STEEP1: variants seen among roughly 807,000 people sequenced by gnomAD.
STEEP1 encodes STING1 ER exit protein 1.
STEEP1 carries 3 observed loss-of-function variants against 19.2 expected under a neutral mutation model. The ratio of observed to expected loss-of-function variants is 0.16; its 90% CI spans 0.07 to 0.40. The LOEUF is 0.40. Ranked by LOEUF, STEEP1 falls within the 10% of genes least tolerant of loss-of-function variation. The pLI is 0.99. For synonymous variants in STEEP1, 46 were observed against 63.7 expected, an observed-to-expected ratio of 0.72 and a Z score of 1.32; for missense variants, 54 against 177.1, an observed-to-expected ratio of 0.30 and a Z score of 3.94.
intron 3 of STEEP1, 25 bp from the exon 4 acceptor site, chrX:119,544,516 C>A: frequency 8.3e-7 from 1 of 1,199,054 alleles, no homozygotes; most frequent in Non-Finnish European, 1.1e-6. Context: ...TGAATTTCTG[C>A]GAGGTCTCAT....
chrX:119,565,362 C>T lies in STEEP1; in HGVS notation c.-7G>A, dbSNP rs1201902441. 8.5e-7 allele frequency: 1 copy of T among 1,180,556 alleles called. No homozygotes were observed. Among genetic ancestry groups the T allele is most frequent in the Non-Finnish European group, 1.1e-6 (1 of 870,337 alleles). ...GAGACACTACTTTCGGCATGATTCCCAAGAGCAATCTGAAAACTCTACGCC... is the reference window on the plus strand; with the variant it reads ...GAGACACTACTTTCGGCATGATTCCTAAGAGCAATCTGAAAACTCTACGCC... On this transcript the variant is annotated 5_prime_UTR_variant, in exon 1 of 7. Transcript: ENST00000644802.
intron 2 of STEEP1, among the ~76,000 whole-genome samples, chrX:119,547,989 T>C (rs767037876): frequency 3.7e-5 from 4 of 109,568 alleles, no homozygotes; most frequent in Non-Finnish European, 7.6e-5. Flanking sequence ...CTGGCCAACA[T>C]GGTAAAACCC....
chrX:119,539,049 G>T lies in STEEP1; in HGVS notation c.*678C>A, dbSNP rs1413589972. 9.0e-6 allele frequency: 1 copy of T among 111,214 alleles called. No homozygotes were observed. Among genetic ancestry groups the T allele is most frequent in the African/African-American group, 3.3e-5 (1 of 30,585 alleles). The allele number at this position is 111,214 out of a possible 1,213,427, so 9.2% of individuals were successfully genotyped here. Reference sequence around the variant, plus strand: ...TTCCTATGACACACCATAATATTTTGTCCAAAAATCTTGCAACATGTTATT... The same window carrying T: ...TTCCTATGACACACCATAATATTTTTTCCAAAAATCTTGCAACATGTTATT... On this transcript the variant is annotated 3_prime_UTR_variant, in exon 7 of 7. Coordinates refer to ENST00000644802, the MANE Select transcript of STEEP1 (RefSeq NM_022101.4).
chrX:119,549,416 CAT>C (rs1373628597), intron 2 of STEEP1, among the ~76,000 whole-genome samples: 2 of 111,512 alleles, frequency 1.8e-5, no homozygotes, highest in Non-Finnish European at 3.8e-5. Context: ...AAGAGAAAAA[CAT>C]AATCATTTCA....
rs144496881 is a variant in STEEP1 at position 119,560,279 on chromosome X, C to A, written c.231G>T (p.Met77Ile). Residue 77 changes from methionine to isoleucine, a missense_variant, in exon 2 of 7, where the codon ATG becomes ATT. By Grantham distance (10) the Met-to-Ile change is conservative. This residue lies in a region of STEEP1 where 47 missense variants were observed against 118.5 expected (regional missense o/e 0.40). Transcript: ENST00000644802. Reference protein sequence around the residue: ...KFCNTEDEETMYLRRPEGIER... With the variant: ...KFCNTEDEETIYLRRPEGIER... ...CATCAACCTCTTACCTCCGCAGATA[C>A]ATAGTCTCCTCATCTTCTGTGTTAC... The A allele has an allele frequency of 1.7e-6, 2 of 1,197,625 alleles. No homozygotes were observed. Among genetic ancestry groups the A allele is most frequent in the African/African-American group, 1.7e-5 (1 of 57,593 alleles).
intron 2 of STEEP1, among the ~76,000 whole-genome samples, chrX:119,548,354 T>C (rs5910612): frequency 9.3e-6 from 1 of 107,385 alleles, no homozygotes; most frequent in African/African-American, 3.4e-5. Context: ...GCCAACATGG[T>C]GAAACCCCAT....
At chrX:119,563,639 G>C (rs894599443) in intron 1 of STEEP1, among the ~76,000 whole-genome samples, 4 of 111,207 alleles carry the variant, frequency 3.6e-5, no homozygotes, top group African/African-American at 1.3e-4. Flanking sequence ...GAACCTGGGA[G>C]GCGGAAGTTG....
intron 2 of STEEP1, among the ~76,000 whole-genome samples, 168 bp from the exon 3 acceptor site, chrX:119,545,672 G>A (rs1248802217): frequency 3.6e-5 from 4 of 111,787 alleles, no homozygotes; most frequent in African/African-American, 6.5e-5. Flanking sequence ...TGAGGCGGGC[G>A]GATCACCTGA....
At chrX:119,544,134 T>C (rs968995044) in intron 4 of STEEP1, among the ~76,000 whole-genome samples, 6 of 111,042 alleles carry the variant, frequency 5.4e-5, no homozygotes, top group African/African-American at 9.8e-5. Flanking sequence ...TGTGCATCTA[T>C]ATACCCCCCA....
intron 1 of STEEP1, among the ~76,000 whole-genome samples, chrX:119,562,272 C>T (rs1037893790): frequency 1.8e-5 from 2 of 111,734 alleles, no homozygotes; most frequent in African/African-American, 6.5e-5. Context: ...TTGCTCACGT[C>T]TGTAATCCCA....
At chrX:119,560,839 A>C (rs1016514432) in intron 1 of STEEP1, among the ~76,000 whole-genome samples, 1 of 111,033 alleles carries the variant, frequency 9.0e-6, no homozygotes, top group African/African-American at 3.3e-5. Flanking sequence ...TAAGAAAAGG[A>C]GAGAGGCTGG....
intron 6 of STEEP1, among the ~76,000 whole-genome samples, chrX:119,540,214 T>TA (rs763566439): frequency 8.9e-6 from 1 of 112,537 alleles, no homozygotes; most frequent in Non-Finnish European, 1.9e-5. Flanking sequence ...CAAAAATGGA[T>TA]AGTAAGCATT....
intron 1 of STEEP1, among the ~76,000 whole-genome samples, chrX:119,563,029 G>A (rs1203165015): frequency 1.8e-5 from 2 of 112,041 alleles, no homozygotes; most frequent in Non-Finnish European, 1.9e-5. Flanking sequence ...GAAGTGCGAT[G>A]AGCAAGAGGA....
At chrX:119,563,700 A>ACTAT (rs2053337537) in intron 1 of STEEP1, among the ~76,000 whole-genome samples, 2 of 110,954 alleles carry the variant, frequency 1.8e-5, no homozygotes, top group South Asian at 7.6e-4. Flanking sequence ...ACAGAGTGAG[A>ACTAT]CTCCCTCTGT....
chrX:119,555,399 A>C (rs1444000007), intron 2 of STEEP1, among the ~76,000 whole-genome samples: 1 of 110,881 alleles, frequency 9.0e-6, no homozygotes, highest in African/African-American at 3.3e-5. Context: ...GGGAGGAAGG[A>C]GGAGTCCTTA....
chrX:119,562,900 A>G (rs1363628652), intron 1 of STEEP1, among the ~76,000 whole-genome samples: 1 of 111,494 alleles, frequency 9.0e-6, no homozygotes, highest in African/African-American at 3.3e-5. Flanking sequence ...GACCTGAATG[A>G]AGTAAGGGAG....
chrX:119,551,647 A>T (rs1374862256), intron 2 of STEEP1, among the ~76,000 whole-genome samples: 2 of 110,493 alleles, frequency 1.8e-5, no homozygotes, highest in Non-Finnish European at 3.8e-5. Flanking sequence ...GCTGTTTGGG[A>T]AAAACTCTGT....
intron 1 of STEEP1, among the ~76,000 whole-genome samples, chrX:119,563,654 G>A (rs1417449888): frequency 9.0e-6 from 1 of 111,340 alleles, no homozygotes; most frequent in African/African-American, 3.3e-5. Flanking sequence ...AAGTTGCAGT[G>A]AGCTGAGACC....
intron 1 of STEEP1, among the ~76,000 whole-genome samples, chrX:119,560,898 G>GGGC (rs1258941074): frequency 9.1e-6 from 1 of 110,320 alleles, no homozygotes; most frequent in Non-Finnish European, 1.9e-5. Flanking sequence ...GAATGAGGCA[G>GGGC]GGCGATTGCT....
Sources: allele counts gnomAD v4.1 joint callset (sites outside exome capture counted in the v4.1 genomes callset), GRCh38; gene constraint gnomAD v4.1.1; regional missense constraint gnomAD v4.1.1; transcripts MANE v1.5; gene names NCBI Gene and HGNC (gene_info 2026-07-23, HGNC 2026-07-21).